The following STAG1 variants were observed in gnomAD, a reference collection of about 807,000 sequenced individuals.
STAG1 encodes the protein cohesin subunit SA-1.
In STAG1, 26 loss-of-function variants were observed where a neutral mutation model predicts 170.9. That is an observed-to-expected ratio of 0.15 (90% CI 0.11 to 0.21). The LOEUF is 0.21. Ranked by LOEUF, STAG1 falls within the 10% of genes least tolerant of loss-of-function variation. The probability of loss-of-function intolerance (pLI) is 1.00; values close to 1 mark genes in which losing one functional copy is unlikely to be tolerated. For synonymous variants in STAG1, 514 were observed against 497.7 expected (o/e 1.03, Z -0.44); for missense variants, 964 against 1,509.5 (o/e 0.64, Z 5.99).
intron 1 of STAG1, among the ~76,000 whole-genome samples, chr3:136,651,881 A>G (rs1941230885): frequency 6.6e-6 from 1 of 152,198 alleles, no homozygotes; most frequent in Non-Finnish European, 1.5e-5. Flanking sequence ...AGGCACACAC[A>G]CAGTGAATAA....
intron 1 of STAG1, among the ~76,000 whole-genome samples, chr3:136,748,578 T>C (rs1229179880): frequency 6.0e-5 from 7 of 116,168 alleles, no homozygotes; most frequent in Non-Finnish European, 1.2e-4. Context: ...GTATTTTTAG[T>C]ATAGACAGGG....
rs35410506 is a variant in STAG1, at chr3:136,549,312, C to CT, written c.395-7118dup. On this transcript the variant is annotated intron_variant, in intron 5 of 33. Coordinates refer to ENST00000383202, the MANE Select transcript of STAG1 (RefSeq NM_005862.3). Reference sequence around the variant, plus strand: ...CATTTTTGTGGAATAATCAGTTTTCCTTTTTTTTTTCCCTTGAGACAGAGT... The same window carrying CT: ...CATTTTTGTGGAATAATCAGTTTTCCTTTTTTTTTTTCCCTTGAGACAGAGT... 2.9e-3 allele frequency among the ~76,000 whole-genome samples: 433 copies of CT among 148,416 alleles called. 2 individuals carry two copies. The highest frequency in any genetic ancestry group is 9.7e-3 in the African/African-American group (395 of 40,556).
At chr3:136,681,120 T>G (rs536918274) in intron 1 of STAG1, among the ~76,000 whole-genome samples, 2 of 152,264 alleles carry the variant, frequency 1.3e-5, no homozygotes, top group East Asian at 3.9e-4. Flanking sequence ...ACAGAACCAT[T>G]CTTTTTTCCC....
At chr3:136,731,493 C>A (rs909329540) in intron 1 of STAG1, among the ~76,000 whole-genome samples, 1 of 152,188 alleles carries the variant, frequency 6.6e-6, no homozygotes, top group Non-Finnish European at 1.5e-5. Context: ...ATGGCAGCCC[C>A]GGCACTGTGT....
chr3:136,427,167 T>C (rs2088154435), intron 16 of STAG1, among the ~76,000 whole-genome samples: 1 of 149,416 alleles, frequency 6.7e-6, no homozygotes, highest in Non-Finnish European at 1.5e-5. Flanking sequence ...AGGCAGATGT[T>C]GAAGTGAGCC....
intron 3 of STAG1, among the ~76,000 whole-genome samples, chr3:136,617,071 T>C (rs1357354926): frequency 6.6e-6 from 1 of 152,156 alleles, no homozygotes; most frequent in Non-Finnish European, 1.5e-5. Flanking sequence ...AAACAATGGC[T>C]ATACAGCAAA....
At chr3:136,585,147 T>A (rs1937746295) in intron 4 of STAG1, among the ~76,000 whole-genome samples, 1 of 152,210 alleles carries the variant, frequency 6.6e-6, no homozygotes, top group African/African-American at 2.4e-5. Context: ...TTACGTCTTT[T>A]AAATCAATTC....
At chr3:136,634,160 A>G (rs1165446647) in intron 1 of STAG1, among the ~76,000 whole-genome samples, 1 of 151,380 alleles carries the variant, frequency 6.6e-6, no homozygotes, top group East Asian at 1.9e-4. Flanking sequence ...TAAATAAATA[A>G]ACATAAAAAA....
intron 8 of STAG1, among the ~76,000 whole-genome samples, chr3:136,501,818 A>G (rs377495833): frequency 1.3e-5 from 2 of 152,150 alleles, no homozygotes; most frequent in African/African-American, 4.8e-5. Context: ...TTTTCAAGTT[A>G]TAAGATAGAC....
intron 9 of STAG1, among the ~76,000 whole-genome samples, chr3:136,493,665 A>G (rs1482167913): frequency 6.6e-6 from 1 of 151,504 alleles, no homozygotes; most frequent in Non-Finnish European, 1.5e-5. Context: ...CGAAAAAAAA[A>G]AAAAAAAAAC....
chr3:136,561,328 G>C (rs1936831919), intron 5 of STAG1, among the ~76,000 whole-genome samples: 1 of 152,186 alleles, frequency 6.6e-6, no homozygotes, highest in African/African-American at 2.4e-5. Flanking sequence ...CCACTCCGTG[G>C]TTATAAAGGA....
At chr3:136,569,837 T>A (rs1196926933) in intron 4 of STAG1, among the ~76,000 whole-genome samples, 10 of 152,020 alleles carry the variant, frequency 6.6e-5, no homozygotes, top group Admixed American at 6.5e-4. Context: ...TATTAAAACT[T>A]ACAGGATATT....
At chr3:136,696,658 T>C (rs2107903314) in intron 1 of STAG1, among the ~76,000 whole-genome samples, 1 of 152,292 alleles carries the variant, frequency 6.6e-6, no homozygotes, top group Non-Finnish European at 1.5e-5. Flanking sequence ...CTATACTTAC[T>C]GCTCAATTTT....
chr3:136,715,110 C>T (rs1483449089), intron 1 of STAG1, among the ~76,000 whole-genome samples: 1 of 143,302 alleles, frequency 7.0e-6, no homozygotes, highest in Non-Finnish European at 1.5e-5. Flanking sequence ...TAAGAGAGTT[C>T]GGTGGTGCTG....
intron 1 of STAG1, among the ~76,000 whole-genome samples, chr3:136,684,895 AG>A (rs1364234746): frequency 3.9e-5 from 6 of 152,184 alleles, no homozygotes; most frequent in Non-Finnish European, 8.8e-5. Flanking sequence ...CAAATGTAAA[AG>A]GTAAAACTAT....
intron 7 of STAG1, among the ~76,000 whole-genome samples, chr3:136,510,134 A>C (rs1260445006): frequency 6.6e-6 from 1 of 152,220 alleles, no homozygotes; most frequent in Non-Finnish European, 1.5e-5. Flanking sequence ...TACTGGGTAT[A>C]TACCTGATAT....
chr3:136,741,929 A>G (rs1934691738), intron 1 of STAG1, among the ~76,000 whole-genome samples: 1 of 152,242 alleles, frequency 6.6e-6, no homozygotes, highest in African/African-American at 2.4e-5. Context: ...AGCAGACTTC[A>G]AGGAAAAGAT....
intron 7 of STAG1, among the ~76,000 whole-genome samples, chr3:136,518,670 T>C (rs1388035416): frequency 2.6e-5 from 4 of 152,128 alleles, no homozygotes; most frequent in Admixed American, 2.6e-4. Flanking sequence ...ATTACAGTAA[T>C]ACGTTAAAGT....
intron 4 of STAG1, among the ~76,000 whole-genome samples, chr3:136,590,433 C>A (rs1372388601): frequency 6.6e-6 from 1 of 150,524 alleles, no homozygotes; most frequent in Non-Finnish European, 1.5e-5. Context: ...GCAGAGGTTG[C>A]AGTGAGCTGA....
Sources: allele counts gnomAD v4.1 joint callset (sites outside exome capture counted in the v4.1 genomes callset), GRCh38; gene constraint gnomAD v4.1.1; transcripts MANE v1.5; gene names NCBI Gene and HGNC (gene_info 2026-07-23, HGNC 2026-07-21).